CORIN: variants seen among roughly 807,000 people sequenced by gnomAD.
The protein encoded by CORIN is corin, serine peptidase.
In CORIN, 117 loss-of-function variants were observed where a neutral mutation model predicts 125.3. The observed-to-expected ratio is 0.93, with a 90% CI of 0.80 to 1.09. The LOEUF (loss-of-function observed/expected upper bound fraction) is 1.09. Among genes scored for constraint, CORIN ranks in the 50% least tolerant of loss-of-function variants. The probability of loss-of-function intolerance (pLI) is 0.00; values close to 1 mark genes in which losing one functional copy is unlikely to be tolerated. For synonymous variants in CORIN, 450 were observed against 466.4 expected (o/e 0.96, Z 0.45); for missense variants, 1,253 against 1,306.7 (o/e 0.96, Z 0.63).
chr4:47,701,743 C>T (rs1726302325), intron 5 of CORIN, among the ~76,000 whole-genome samples: 1 of 145,838 alleles, frequency 6.9e-6, no homozygotes, highest in East Asian at 2.0e-4. Flanking sequence ...TGATCAGAGA[C>T]TGCCAGAAAC....
intron 13 of CORIN, among the ~76,000 whole-genome samples, chr4:47,650,866 C>T (rs545003578): frequency 1.3e-5 from 2 of 152,276 alleles, no homozygotes; most frequent in African/African-American, 4.8e-5. Flanking sequence ...CTTCCCATAT[C>T]GGATTTGCAC....
chr4:47,775,249 A>G (rs1730239756), intron 3 of CORIN, among the ~76,000 whole-genome samples: 1 of 151,452 alleles, frequency 6.6e-6, no homozygotes, highest in South Asian at 2.1e-4. Flanking sequence ...TTTAAGTTCT[A>G]GGGTACATGT....
Position 47,820,147 on chromosome 4 carries a change from T to A in CORIN, c.64-13100A>T, listed in dbSNP as rs142388080. On this transcript the variant is annotated intron_variant, in intron 1 of 21. Coordinates refer to ENST00000273857, the MANE Select transcript of CORIN (RefSeq NM_006587.4). ...CAACTATTGTTCATGCCAGTTTAAA[T>A]ACATAGTGGCAGTCAAAAGAAAGAG... Among the ~76,000 whole-genome samples the A allele has an allele frequency of 3.0e-4, 46 of 152,154 alleles. No individual in the cohort carries two copies. In the East Asian group the frequency reaches 8.5e-3, roughly 28 times the overall value.
intron 13 of CORIN, among the ~76,000 whole-genome samples, chr4:47,649,616 T>C (rs111305293): frequency 7.9e-5 from 12 of 152,344 alleles, no homozygotes; most frequent in African/African-American, 2.9e-4. Flanking sequence ...GTAAACTGAC[T>C]GGCCAAACGT....
Position 47,683,804 on chromosome 4 carries a change from G to A in CORIN, c.948C>T (p.Gly316=), listed in dbSNP as rs762634979. The A allele has an allele frequency of 6.2e-7, 1 of 1,613,378 alleles. No homozygotes were observed. Among genetic ancestry groups the A allele is most frequent in the South Asian group, 1.1e-5 (1 of 91,018 alleles). The change falls in exon 7 of 22, where the codon GGC becomes GGT. Residue 316 remains glycine, a synonymous_variant. Coordinates refer to ENST00000273857, the MANE Select transcript of CORIN (RefSeq NM_006587.4). ...CSENLFHCHT[G]KCLNYSLVCD... The stretch of plus-strand genomic sequence containing the variant: ...ACACAAGGCTGTAATTAAGGCACTT[G>A]CCTGTGTGACAGTGAAACAGATTCT...
intron 3 of CORIN, among the ~76,000 whole-genome samples, chr4:47,780,310 C>T (rs984762840): frequency 6.6e-6 from 1 of 151,958 alleles, no homozygotes; most frequent in African/African-American, 2.4e-5. Context: ...CTATTAGGTT[C>T]TTCTTAGGCA....
intron 1 of CORIN, among the ~76,000 whole-genome samples, chr4:47,816,127 G>A (rs1376047063): frequency 6.6e-6 from 1 of 152,156 alleles, no homozygotes; most frequent in African/African-American, 2.4e-5. Flanking sequence ...ATTCATTTCA[G>A]GCATTTCAAT....
rs1011838145 is a variant in CORIN, at chr4:47,680,133, G to A, written c.1132+8C>T. On this transcript the variant is annotated splice_region_variant and intron_variant, in intron 8 of 21. Transcript: ENST00000273857. ...AATAAGCAAAACAAACGTCCTCAGAGCACTCACAGCAGTTGACCTCGTCAG... is the reference window on the plus strand; with the variant it reads ...AATAAGCAAAACAAACGTCCTCAGAACACTCACAGCAGTTGACCTCGTCAG... 6 of 1,576,594 alleles carry A rather than the reference G, an allele frequency of 3.8e-6. No individual in the cohort carries two copies. Among genetic ancestry groups the A allele is most frequent in the Admixed American group, 3.3e-5 (2 of 59,934 alleles).
chr4:47,728,976 T>C (rs1727729173), intron 5 of CORIN, among the ~76,000 whole-genome samples: 1 of 152,212 alleles, frequency 6.6e-6, no homozygotes, highest in Non-Finnish European at 1.5e-5. Flanking sequence ...AAGCAATATT[T>C]GGCAGAGAAT....
rs548016756 is a variant in CORIN at position 47,600,898 on chromosome 4, C to T, written c.2813-551G>A. On this transcript the variant is annotated intron_variant, in intron 20 of 21. Transcript: ENST00000273857. The stretch of plus-strand genomic sequence containing the variant: ...TATGACAGAGAGATATCGAAAAGCA[C>T]AAAGCCATCCCTTGGTATTGACAGA... Among the ~76,000 whole-genome samples, 91 of 152,330 alleles carry T rather than the reference C, an allele frequency of 6.0e-4. 1 individual carries two copies. The highest frequency in any genetic ancestry group is 3.4e-3 in the Middle Eastern group (1 of 294).
At chr4:47,749,306 T>C (rs893270349) in intron 4 of CORIN, among the ~76,000 whole-genome samples, 14 of 152,188 alleles carry the variant, frequency 9.2e-5, no homozygotes, top group Non-Finnish European at 1.9e-4. Flanking sequence ...AGATTGTGAC[T>C]TCTGCATTGC....
chr4:47,673,239 G>T (rs1371326021), intron 10 of CORIN, among the ~76,000 whole-genome samples: 1 of 151,736 alleles, frequency 6.6e-6, no homozygotes, highest in Non-Finnish European at 1.5e-5. Context: ...AGCTGGGTGT[G>T]GTGGTGTGTG....
intron 16 of CORIN, among the ~76,000 whole-genome samples, chr4:47,637,412 A>G (rs924574751): frequency 3.3e-5 from 5 of 152,262 alleles, no homozygotes; most frequent in African/African-American, 1.2e-4. Flanking sequence ...TCTCCAGGAC[A>G]TGTCAGAGGT....
chr4:47,754,303 G>C (rs1729036305), intron 4 of CORIN, among the ~76,000 whole-genome samples: 1 of 152,078 alleles, frequency 6.6e-6, no homozygotes, highest in Non-Finnish European at 1.5e-5. Context: ...ATGTTGAAAA[G>C]GGAACTTTGC....
chr4:47,623,501 G>A, intron 19 of CORIN, 70 bp downstream of exon 19: 1 of 1,514,688 alleles, frequency 6.6e-7, no homozygotes, highest in Non-Finnish European at 9.0e-7. Flanking sequence ...AGTTACATAT[G>A]CCACTGAGAA....
chr4:47,757,114 T>A (rs1373786316), intron 4 of CORIN, among the ~76,000 whole-genome samples: 2 of 152,202 alleles, frequency 1.3e-5, no homozygotes, highest in Admixed American at 6.5e-5. Flanking sequence ...GAAATTAGTA[T>A]GATGAATGAT....
chr4:47,604,448 C>T lies in CORIN; in HGVS notation c.2541-780G>A, dbSNP rs545262428. Among the ~76,000 whole-genome samples, 5 of 152,308 alleles carry T rather than the reference C, an allele frequency of 3.3e-5. No individual in the cohort carries two copies. In the South Asian group the frequency reaches 1.0e-3, roughly 32 times the overall value. ...TGTATATCTCCAGCTCTGTCCTTTC[C>T]CTGAGCTGCAGACTTAATGTTCAAT... On this transcript the variant is annotated intron_variant, in intron 19 of 21. Transcript: ENST00000273857.
At chr4:47,693,988 A>G (rs1725876942) in intron 5 of CORIN, among the ~76,000 whole-genome samples, 1 of 151,666 alleles carries the variant, frequency 6.6e-6, no homozygotes, top group African/African-American at 2.4e-5. Context: ...CACAAAAAGG[A>G]AATCATTATG....
intron 16 of CORIN, among the ~76,000 whole-genome samples, chr4:47,627,113 G>T (rs943081505): frequency 6.6e-6 from 1 of 151,396 alleles, no homozygotes; most frequent in African/African-American, 2.4e-5. Flanking sequence ...CTCCCAAGTA[G>T]CTGGGATCAC....
Sources: gnomAD v4.1 joint callset for allele counts (sites outside exome capture counted in the v4.1 genomes callset) on GRCh38, gnomAD v4.1.1 for gene constraint, MANE v1.5 for transcripts, NCBI Gene and HGNC (gene_info 2026-07-23, HGNC 2026-07-21) for gene names.